Variants in INSC observed in about 807,000 individuals in gnomAD.
INSC encodes protein inscuteable homolog.
INSC carries 67 observed loss-of-function variants against 58.6 expected under a neutral mutation model. The ratio of observed to expected loss-of-function variants is 1.14; its 90% CI spans 0.94 to 1.40. The LOEUF (loss-of-function observed/expected upper bound fraction) is 1.40. INSC is among the 40% of genes most tolerant of loss of function. The probability of loss-of-function intolerance (pLI) is 0.00; values close to 1 mark genes in which losing one functional copy is unlikely to be tolerated. For synonymous variants in INSC, 262 were observed against 276.1 expected, an observed-to-expected ratio of 0.95 and a Z score of 0.51; for missense variants, 714 against 692.0, an observed-to-expected ratio of 1.03 and a Z score of -0.36.
At chr11:15,244,231 A>C (rs1852473909) in intron 12 of INSC, among the ~76,000 whole-genome samples, 3 of 152,200 alleles carry the variant, frequency 2.0e-5, no homozygotes, top group Admixed American at 1.3e-4. Flanking sequence ...GCCAAGAAGA[A>C]TCAGAAAGTG....
intron 7 of INSC, among the ~76,000 whole-genome samples, chr11:15,213,991 A>T (rs1335441707): frequency 6.6e-6 from 1 of 152,126 alleles, no homozygotes; most frequent in East Asian, 1.9e-4. Context: ...AACCTCTTAG[A>T]CTGTTGCAGA....
At position 15,176,097 on chromosome 11, in the gene INSC, C is replaced by A; in HGVS notation, c.402+11C>A. ...AAGGAAATGGGCGAGGTCAGCTGCC[C>A]TGGGATAGGAGTGGGCGGGAACTGG... is the stretch of plus-strand genomic sequence containing the variant. On this transcript the variant is annotated intron_variant, in intron 3 of 12. Transcript: ENST00000379556. The A allele has an allele frequency of 6.7e-7, 1 of 1,500,810 alleles. No homozygotes were observed. The highest frequency in any genetic ancestry group is 9.0e-7 in the Non-Finnish European group (1 of 1,112,822). 93.0% of individuals were successfully genotyped at this position (1,500,810 alleles called of 1,614,324 possible). A position where few individuals can be genotyped will look rare whatever the true frequency, so the allele number is the denominator to read the frequency against.
intron 1 of INSC, among the ~76,000 whole-genome samples, chr11:15,145,329 T>G (rs1261737881): frequency 6.6e-6 from 1 of 152,200 alleles, no homozygotes; most frequent in Non-Finnish European, 1.5e-5. Flanking sequence ...GGTTTGAATT[T>G]ATCAGATTCC....
chr11:15,261,864 C>T, the INSC span, among the ~76,000 whole-genome samples: 2 of 150,548 alleles, frequency 1.3e-5, no homozygotes, highest in Non-Finnish European at 2.9e-5. Context: ...TACTTTTGTG[C>T]AGGTGTGAGA....
intron 2 of INSC, among the ~76,000 whole-genome samples, chr11:15,158,867 T>TTTTG (rs2133776733): frequency 6.8e-6 from 1 of 147,676 alleles, no homozygotes; most frequent in South Asian, 2.2e-4. Context: ...GTGGTTTTTT[T>TTTTG]TTTTTTTTTT....
chr11:15,186,975 A>C (rs1849991746), intron 5 of INSC, among the ~76,000 whole-genome samples: 1 of 152,218 alleles, frequency 6.6e-6, no homozygotes, highest in Non-Finnish European at 1.5e-5. Flanking sequence ...CTGTGCAGCA[A>C]CAACAGATGT....
chr11:15,204,661 G>C (rs1052628218), intron 7 of INSC, among the ~76,000 whole-genome samples: 2 of 152,228 alleles, frequency 1.3e-5, no homozygotes, highest in African/African-American at 4.8e-5. Flanking sequence ...GTGAGTGAAG[G>C]TGGAGTGGGG....
chr11:15,203,471 G>A (rs866654269), intron 7 of INSC, among the ~76,000 whole-genome samples: 5 of 152,212 alleles, frequency 3.3e-5, no homozygotes, highest in South Asian at 2.1e-4. Context: ...ACTACATTGT[G>A]TAGCAGTTGT....
rs371233254 is a variant in INSC at position 15,245,987 on chromosome 11, C to T, written c.1546C>T (p.Arg516Trp). ...TGACTTTCAGCAGTTGGTCCAGCCT[C>T]GGCTGGTGGACTCCTTCTTACTCTG... Reference protein sequence around the residue: ...DSDFQQLVQPRLVDSFLLCSN... With the variant: ...DSDFQQLVQPWLVDSFLLCSN... The change falls in exon 13 of 13, where the codon CGG (arginine) becomes TGG (tryptophan). Residue 516 changes from arginine to tryptophan, a missense_variant. Arg to Trp is a moderately radical substitution (Grantham distance 101). Coordinates refer to ENST00000379556, the MANE Select transcript of INSC (RefSeq NM_001042536.3). The T allele has an allele frequency of 5.9e-5, 96 of 1,614,160 alleles. No individual in the cohort carries two copies. The African/African-American group carries it at 9.7e-4, about 16-fold the overall frequency.
At chr11:15,258,776 A>G in the INSC span, among the ~76,000 whole-genome samples, 1 of 152,184 alleles carries the variant, frequency 6.6e-6, no homozygotes, top group African/African-American at 2.4e-5. Flanking sequence ...GAGATATGCA[A>G]CTTGAAATCA....
intron 1 of INSC, among the ~76,000 whole-genome samples, chr11:15,135,099 T>C (rs1255605633): frequency 6.6e-6 from 1 of 152,098 alleles, no homozygotes; most frequent in Non-Finnish European, 1.5e-5. Context: ...TTGGAATTAC[T>C]TGGAGATAGA....
chr11:15,231,208 A>AT (rs1450812075), intron 9 of INSC, among the ~76,000 whole-genome samples: 1 of 152,206 alleles, frequency 6.6e-6, no homozygotes, highest in African/African-American at 2.4e-5. Flanking sequence ...CTACAGATCA[A>AT]TGTCCTTGTC....
intron 7 of INSC, among the ~76,000 whole-genome samples, chr11:15,204,377 G>A (rs1473564176): frequency 6.6e-6 from 1 of 152,242 alleles, no homozygotes; most frequent in African/African-American, 2.4e-5. Flanking sequence ...CTCAAAATCT[G>A]ATATTGTGAG....
At chr11:15,124,900 A>G (rs1847954914) in intron 1 of INSC, among the ~76,000 whole-genome samples, 2 of 152,148 alleles carry the variant, frequency 1.3e-5, no homozygotes, top group African/African-American at 4.8e-5. Flanking sequence ...TCATTCATTT[A>G]TCTACTTAGC....
chr11:15,235,723 G>C, intron 10 of INSC, 55 bp downstream of exon 10: 1 of 1,439,244 alleles, frequency 6.9e-7, no homozygotes, highest in Non-Finnish European at 9.8e-7. Flanking sequence ...GTAGGGGACT[G>C]TGTCTTTGTG....
chr11:15,128,387 A>G (rs1848048393), intron 1 of INSC, among the ~76,000 whole-genome samples: 1 of 152,208 alleles, frequency 6.6e-6, no homozygotes, highest in South Asian at 2.1e-4. Flanking sequence ...GTGGTGTCAT[A>G]ATGTCATATC....
At chr11:15,216,770 G>A (rs575125185) in intron 7 of INSC, among the ~76,000 whole-genome samples, 22 of 152,294 alleles carry the variant, frequency 1.4e-4, no homozygotes, top group African/African-American at 2.6e-4. Flanking sequence ...CAAAAAGAGT[G>A]TGCAGAAAGG....
chr11:15,262,678 A>ACACACC, the INSC span, among the ~76,000 whole-genome samples: 1 of 151,662 alleles, frequency 6.6e-6, no homozygotes, highest in African/African-American at 2.4e-5. Flanking sequence ...ACACACACAC[A>ACACACC]CACACACACA....
chr11:15,166,283 AG>A (rs1849193745), intron 2 of INSC, among the ~76,000 whole-genome samples: 1 of 152,204 alleles, frequency 6.6e-6, no homozygotes, highest in Non-Finnish European at 1.5e-5. Flanking sequence ...ATGGTTTCTA[AG>A]GGTCTAAGCT....
Sources: gnomAD v4.1 joint callset for allele counts (sites outside exome capture counted in the v4.1 genomes callset) on GRCh38, gnomAD v4.1.1 for gene constraint, MANE v1.5 for transcripts, NCBI Gene and HGNC (gene_info 2026-07-23, HGNC 2026-07-21) for gene names.